GRID2: variants seen among roughly 807,000 people sequenced by gnomAD.
GRID2 encodes glutamate ionotropic receptor delta type subunit 2.
A neutral mutation model predicts 114.8 loss-of-function variants in GRID2; 33 were observed. That is an observed-to-expected ratio of 0.29 (90% CI 0.22 to 0.38). The LOEUF is 0.38. Ranked by LOEUF, GRID2 falls within the 10% of genes least tolerant of loss-of-function variation. GRID2 has a pLI of 1.00. For missense variants in GRID2, 1,184 were observed against 1,257.7 expected (o/e 0.94, Z 0.89); for synonymous variants, 505 against 449.9 (o/e 1.12, Z -1.55).
chr4:92,406,531 T>A (rs952850691), intron 1 of GRID2, among the ~76,000 whole-genome samples: 5 of 152,016 alleles, frequency 3.3e-5, no homozygotes, highest in African/African-American at 1.2e-4. Flanking sequence ...GTTTTGGGTA[T>A]TTTTCCTTTT....
chr4:93,714,454 C>T (rs1385224788), intron 14 of GRID2, among the ~76,000 whole-genome samples: 1 of 152,016 alleles, frequency 6.6e-6, no homozygotes, highest in African/African-American at 2.4e-5. Context: ...GGGTATATAC[C>T]CAGCAGTGAG....
At chr4:93,292,012 G>T (rs1008891757) in intron 8 of GRID2, among the ~76,000 whole-genome samples, 1 of 152,094 alleles carries the variant, frequency 6.6e-6, no homozygotes, top group Non-Finnish European at 1.5e-5. Context: ...TCATAAGATG[G>T]TTGAAATGGG....
At chr4:92,923,505 AAT>A (rs1466071036) in intron 2 of GRID2, among the ~76,000 whole-genome samples, 36 of 151,628 alleles carry the variant, frequency 2.4e-4, no homozygotes, top group African/African-American at 8.5e-4. Flanking sequence ...ATTAGAAATC[AAT>A]AAAAAAATCA....
intron 2 of GRID2, among the ~76,000 whole-genome samples, chr4:93,043,036 A>C (rs2149271355): frequency 6.6e-6 from 1 of 152,264 alleles, no homozygotes; most frequent in East Asian, 1.9e-4. Flanking sequence ...ATTATAGAAG[A>C]TAAATATTTT....
chr4:92,850,498 T>G (rs1743693442), intron 2 of GRID2, among the ~76,000 whole-genome samples: 1 of 151,942 alleles, frequency 6.6e-6, no homozygotes, highest in Non-Finnish European at 1.5e-5. Context: ...TGGTTTTATT[T>G]GCAGTGTTCA....
chr4:92,395,155 A>T (rs909347264), intron 1 of GRID2, among the ~76,000 whole-genome samples: 23 of 151,766 alleles, frequency 1.5e-4, no homozygotes, highest in African/African-American at 5.5e-4. Flanking sequence ...TTATTCAAAA[A>T]TTAGCTTAAA....
intron 1 of GRID2, among the ~76,000 whole-genome samples, chr4:92,537,007 GCA>G (rs1271717199): frequency 2.0e-5 from 3 of 152,130 alleles, no homozygotes; most frequent in African/African-American, 7.2e-5. Context: ...AAGGAGACAT[GCA>G]CAGTCTTCCT....
At chr4:92,546,597 G>A (rs1030886037) in intron 1 of GRID2, among the ~76,000 whole-genome samples, 6 of 152,174 alleles carry the variant, frequency 3.9e-5, no homozygotes, top group Non-Finnish European at 8.8e-5. Context: ...TGTGCACGTA[G>A]TTGTGTTTTT....
chr4:92,743,138 A>G lies in GRID2; in HGVS notation c.244+152852A>G, dbSNP rs545409101. On this transcript the variant is annotated intron_variant, in intron 2 of 15. Coordinates refer to ENST00000282020, the MANE Select transcript of GRID2 (RefSeq NM_001510.4). The stretch of plus-strand genomic sequence containing the variant: ...CAAAACATACAAAAATTACCCTGGT[A>G]TGATAGTGTTTTCATGTAGTCCCAG... Among the ~76,000 whole-genome samples, 12 of 152,208 alleles carry G rather than the reference A, an allele frequency of 7.9e-5. No homozygotes were observed. In the East Asian group the frequency reaches 2.3e-3, roughly 30 times the overall value.
At chr4:92,682,361 G>A (rs1226261148) in intron 2 of GRID2, among the ~76,000 whole-genome samples, 1 of 152,160 alleles carries the variant, frequency 6.6e-6, no homozygotes, top group Non-Finnish European at 1.5e-5. Context: ...ATGGCTCTCT[G>A]TATGGTCCGT....
intron 3 of GRID2, among the ~76,000 whole-genome samples, chr4:93,105,524 A>G (rs984517925): frequency 4.6e-5 from 7 of 152,114 alleles, no homozygotes; most frequent in Non-Finnish European, 1.0e-4. Context: ...CTTTCTACAT[A>G]TGGCTAGCCA....
chr4:93,131,705 G>A (rs1158644365), intron 4 of GRID2, among the ~76,000 whole-genome samples: 3 of 151,994 alleles, frequency 2.0e-5, no homozygotes, highest in South Asian at 4.1e-4. Context: ...GATACAATCT[G>A]TAATGATTAA....
chr4:93,115,933 A>G (rs1263482868), intron 4 of GRID2, among the ~76,000 whole-genome samples: 1 of 152,166 alleles, frequency 6.6e-6, no homozygotes, highest in Admixed American at 6.6e-5. Context: ...CAACCATATC[A>G]GTAGATTAAA....
chr4:93,759,113 A>C (rs1732998192), intron 14 of GRID2, among the ~76,000 whole-genome samples: 2 of 152,128 alleles, frequency 1.3e-5, no homozygotes, highest in African/African-American at 4.8e-5. Flanking sequence ...CATTTCTGTA[A>C]TGAGTGCTTG....
At chr4:92,878,984 G>A (rs895373114) in intron 2 of GRID2, among the ~76,000 whole-genome samples, 5 of 152,064 alleles carry the variant, frequency 3.3e-5, no homozygotes, top group Non-Finnish European at 5.9e-5. Context: ...GAGGGAAATG[G>A]CATCATTTTA....
chr4:93,774,995 A>G (rs1734335749), downstream of GRID2, among the ~76,000 whole-genome samples: 1 of 152,306 alleles, frequency 6.6e-6, no homozygotes, highest in Admixed American at 6.5e-5. Context: ...ATTATTCGTC[A>G]TGCTGAATCT....
chr4:92,974,700 G>A (rs1483641233), intron 2 of GRID2, among the ~76,000 whole-genome samples: 3 of 151,778 alleles, frequency 2.0e-5, no homozygotes, highest in African/African-American at 7.3e-5. Context: ...TAGGGGGGTA[G>A]GGGAGGAATA....
chr4:92,458,110 T>C (rs559314839), intron 1 of GRID2, among the ~76,000 whole-genome samples: 4 of 152,310 alleles, frequency 2.6e-5, no homozygotes, highest in African/African-American at 9.6e-5. Flanking sequence ...TTCTCCTGGC[T>C]GAAAAATGGT....
chr4:93,132,301 A>G (rs2149376731), intron 4 of GRID2, among the ~76,000 whole-genome samples: 1 of 152,356 alleles, frequency 6.6e-6, no homozygotes, highest in African/African-American at 2.4e-5. Flanking sequence ...AAAGTAGAGC[A>G]GAAAGAAAAT....
Sources: allele counts gnomAD v4.1 joint callset (sites outside exome capture counted in the v4.1 genomes callset), GRCh38; gene constraint gnomAD v4.1.1; transcripts MANE v1.5; gene names NCBI Gene and HGNC (gene_info 2026-07-23, HGNC 2026-07-21).